The following COPA variants were observed in gnomAD, a reference collection of about 807,000 sequenced individuals.
The protein encoded by COPA is coat protein complex I subunit alpha, also known as coatomer subunit alpha.
COPA carries 10 observed loss-of-function variants against 158.7 expected under a neutral mutation model. That is an observed-to-expected ratio of 0.06 (90% CI 0.04 to 0.11). COPA has a LOEUF of 0.11. Ranked by LOEUF, COPA falls within the 10% of genes least tolerant of loss-of-function variation. COPA has a pLI of 1.00. For synonymous variants in COPA, 462 were observed against 542.8 expected (o/e 0.85, Z 2.07); for missense variants, 1,065 against 1,536.7 (o/e 0.69, Z 5.13).
intron 8 of COPA, among the ~76,000 whole-genome samples, chr1:160,314,933 C>A (rs368526782): frequency 1.0e-3 from 158 of 151,998 alleles, no homozygotes; most frequent in African/African-American, 3.6e-3. Flanking sequence ...ATAAGGGTAC[C>A]ACCACAGGAA....
At chr1:160,331,629 A>G (rs1197415539) in intron 6 of COPA, among the ~76,000 whole-genome samples, 1 of 148,304 alleles carries the variant, frequency 6.7e-6, no homozygotes, top group Admixed American at 6.7e-5. Flanking sequence ...CATGGGTGAG[A>G]CAGAGTGAGA....
At chr1:160,340,022 T>G in intron 2 of COPA, 40 bp from the exon 3 acceptor site, 1 of 1,594,476 alleles carries the variant, frequency 6.3e-7, no homozygotes, top group South Asian at 1.1e-5. Context: ...GACAGAGCTA[T>G]CCTTTCTAAT....
At chr1:160,303,580 G>A (rs528002433) in intron 17 of COPA, among the ~76,000 whole-genome samples, 1 of 152,260 alleles carries the variant, frequency 6.6e-6, no homozygotes, top group Non-Finnish European at 1.5e-5. Context: ...AAGTTACAAT[G>A]TTTTTACAGA....
chr1:160,331,426 G>GC (rs1647508193), intron 6 of COPA, among the ~76,000 whole-genome samples: 1 of 152,070 alleles, frequency 6.6e-6, no homozygotes, highest in African/African-American at 2.4e-5. Flanking sequence ...GCTGAGGCAG[G>GC]AGAATCACCT....
intron 11 of COPA, 88 bp downstream of exon 11, chr1:160,311,779 GA>G: frequency 8.3e-7 from 1 of 1,200,162 alleles, no homozygotes; most frequent in Non-Finnish European, 1.1e-6. Context: ...ATAAATAAAT[GA>G]AAGAAAGAAA....
chr1:160,314,390 A>G (rs1027018217), intron 8 of COPA, among the ~76,000 whole-genome samples: 1 of 152,080 alleles, frequency 6.6e-6, no homozygotes, highest in Non-Finnish European at 1.5e-5. Flanking sequence ...GAACTTTGGG[A>G]GGCTAAGGTA....
At chr1:160,336,184 A>G (rs922668896) in intron 3 of COPA, among the ~76,000 whole-genome samples, 1 of 151,876 alleles carries the variant, frequency 6.6e-6, no homozygotes, top group Non-Finnish European at 1.5e-5. Context: ...TGTCTCTACA[A>G]AAATACAAAA....
chr1:160,309,897 A>G (rs991923602), intron 12 of COPA, among the ~76,000 whole-genome samples: 3 of 152,180 alleles, frequency 2.0e-5, no homozygotes, highest in African/African-American at 7.2e-5. Flanking sequence ...TTCTTTCCAT[A>G]GGAAATATAT....
Position 160,339,976 on chromosome 1 carries a change from A to G in COPA, c.161T>C (p.Val54Ala). The change falls in exon 3 of 33, where the codon GTG (valine) becomes GCG (alanine). Residue 54 changes from valine (V) to alanine (A), a missense_variant. Val to Ala is a moderately conservative substitution (Grantham distance 64). Coordinates refer to ENST00000241704, the MANE Select transcript of COPA (RefSeq NM_004371.4). Reference protein sequence around the residue: ...IDKFDEHDGPVRGIDFHKQQP... With the variant: ...IDKFDEHDGPARGIDFHKQQP... ...CTGCTTATGGAAGTCAATGCCTCGC[A>G]CTGGACCTGGTGGAGAAGGCAGGCA... The G allele has an allele frequency of 6.2e-7, 1 of 1,614,120 alleles. No individual in the cohort carries two copies. Among genetic ancestry groups the G allele is most frequent in the Non-Finnish European group, 8.5e-7 (1 of 1,179,966 alleles).
chr1:160,335,776 G>C (rs1331505033), intron 3 of COPA, among the ~76,000 whole-genome samples: 1 of 151,184 alleles, frequency 6.6e-6, no homozygotes, highest in Non-Finnish European at 1.5e-5. Context: ...CCAGCTACTC[G>C]GGAGGCTGAG....
intron 8 of COPA, among the ~76,000 whole-genome samples, chr1:160,319,343 A>G (rs1324724068): frequency 1.3e-5 from 2 of 151,950 alleles, no homozygotes; most frequent in Admixed American, 6.6e-5. Flanking sequence ...AATAACAATT[A>G]TAAGTATCTG....
At chr1:160,296,800 A>G (rs1232436028) in intron 21 of COPA, among the ~76,000 whole-genome samples, 1 of 152,202 alleles carries the variant, frequency 6.6e-6, no homozygotes, top group South Asian at 2.1e-4. Context: ...TCTCTGTTAC[A>G]TCTCAAATCT....
chr1:160,337,525 G>A (rs60620498), intron 3 of COPA, among the ~76,000 whole-genome samples: 7,561 of 152,242 alleles, frequency 0.05, 595 homozygotes, highest in African/African-American at 0.17. Context: ...TTCAAGACCA[G>A]CCTGACCAAC....
chr1:160,318,670 G>A lies in COPA; in HGVS notation c.707-4545C>T, dbSNP rs574075539. ...GACAAATATATCAAAAGCAATAATAGCTATAGCAACATGTTAAAGAGATAG... is the reference window on the plus strand; with the variant it reads ...GACAAATATATCAAAAGCAATAATAACTATAGCAACATGTTAAAGAGATAG... On this transcript the variant is annotated intron_variant, in intron 8 of 32. Transcript: ENST00000241704. 3.3e-5 allele frequency among the ~76,000 whole-genome samples: 5 copies of A among 151,916 alleles called. No homozygotes were observed. In the East Asian group the frequency reaches 9.7e-4, roughly 29 times the overall value.
Position 160,307,256 on chromosome 1 carries a change from C to A in COPA, c.1220-11G>T, listed in dbSNP as rs1364985957. 1.9e-6 allele frequency: 3 copies of A among 1,613,874 alleles called. No individual in the cohort carries two copies. In the African/African-American group the frequency reaches 4.0e-5, roughly 22 times the overall value. On this transcript the variant is annotated splice_polypyrimidine_tract_variant and intron_variant, in intron 13 of 32. Transcript: ENST00000241704. ...GTTTCCCTTCAGGCGCTGAGAAGAA[C>A]AAAACCAAAGGGTGGGAGCATGTGG...
chr1:160,307,524 C>A (rs1658829362), intron 13 of COPA, among the ~76,000 whole-genome samples: 1 of 152,258 alleles, frequency 6.6e-6, no homozygotes, highest in South Asian at 2.1e-4. Flanking sequence ...GGCCGCCCAT[C>A]TTGGGAGACA....
chr1:160,311,215 C>T (rs188086729), intron 11 of COPA, among the ~76,000 whole-genome samples: 121 of 151,596 alleles, frequency 8.0e-4, no homozygotes, highest in Non-Finnish European at 1.3e-3. Flanking sequence ...CCGAGGTGGG[C>T]GGATCACAAG....
At chr1:160,324,721 G>A (rs59116479) in intron 7 of COPA, among the ~76,000 whole-genome samples, 2,103 of 152,170 alleles carry the variant, frequency 0.014, 46 homozygotes, top group African/African-American at 0.042. Flanking sequence ...GTTTTTAAAA[G>A]TTGTTTTAAT....
intron 8 of COPA, among the ~76,000 whole-genome samples, chr1:160,318,735 T>G (rs1401763939): frequency 6.6e-6 from 1 of 151,996 alleles, no homozygotes; most frequent in Non-Finnish European, 1.5e-5. Context: ...AATGTATAAT[T>G]TCTGAGTGTG....
Sources: allele counts gnomAD v4.1 joint callset (sites outside exome capture counted in the v4.1 genomes callset), GRCh38; gene constraint gnomAD v4.1.1; transcripts MANE v1.5; gene names NCBI Gene and HGNC (gene_info 2026-07-23, HGNC 2026-07-21).